ATP5MC2: variants seen among roughly 807,000 people sequenced by gnomAD.
ATP5MC2 encodes ATP synthase membrane subunit c locus 2, also known as ATP synthase F(0) complex subunit C2, mitochondrial.
Under a neutral mutation model 13.5 loss-of-function variants are expected in ATP5MC2, and 11 were observed. The ratio of observed to expected loss-of-function variants is 0.81; its 90% CI spans 0.51 to 1.35. The LOEUF (loss-of-function observed/expected upper bound fraction) is 1.35, where lower values mean the gene tolerates loss of function less well. Among genes scored for constraint, ATP5MC2 ranks in the 40% most tolerant of loss-of-function variants. The probability of loss-of-function intolerance (pLI) is 0.00; values close to 1 mark genes in which losing one functional copy is unlikely to be tolerated. For missense variants in ATP5MC2, 132 were observed against 175.0 expected (o/e 0.75, Z 1.39); for synonymous variants, 64 against 69.7 (o/e 0.92, Z 0.41).
chr12:53,672,083 C>CAAAAAAA lies in ATP5MC2; in HGVS notation c.39+486_39+492dup, dbSNP rs916010110. ...GGGCAACAAGAGCGAAACTCTGTCT[C>CAAAAAAA]AAAAAAAAAAAAAAAAAAAAAATTA... On this transcript the variant is annotated intron_variant, in intron 2 of 4. Coordinates refer to ENST00000394349, the MANE Select transcript of ATP5MC2 (RefSeq NM_005176.7). Among the ~76,000 whole-genome samples the CAAAAAAA allele has an allele frequency of 4.9e-3, 232 of 47,130 alleles. 19 individuals carry two copies. The highest frequency in any genetic ancestry group is 0.011 in the African/African-American group (125 of 10,904). The allele number at this position is 47,130 out of a possible 152,430, so 30.9% of individuals were successfully genotyped here. A position where few individuals can be genotyped will look rare whatever the true frequency, so the allele number is the denominator to read the frequency against.
intron 2 of ATP5MC2, chr12:53,670,167 A>C (rs1945055598): frequency 5.1e-6 from 3 of 585,302 alleles, no homozygotes; most frequent in Non-Finnish European, 9.6e-6. Context: ...TGCTTTAAGG[A>C]AAGAAAGTCT....
chr12:53,674,938 A>G (rs1434359278), intron 1 of ATP5MC2, among the ~76,000 whole-genome samples: 3 of 152,196 alleles, frequency 2.0e-5, no homozygotes, highest in African/African-American at 7.2e-5. Flanking sequence ...ATACCTTATT[A>G]TCTTCTTTGT....
intron 4 of ATP5MC2, among the ~76,000 whole-genome samples, chr12:53,667,695 C>T (rs1032613700): frequency 2.6e-5 from 4 of 151,766 alleles, no homozygotes; most frequent in Non-Finnish European, 5.9e-5. Flanking sequence ...AGGGGTTTCA[C>T]CATGTTGGCC....
chr12:53,676,517 A>T, upstream of ATP5MC2: 1 of 252,760 alleles, frequency 4.0e-6, no homozygotes, highest in Non-Finnish European at 7.7e-6. Context: ...TCGCGCCGGG[A>T]CTCTGGCATC....
intron 4 of ATP5MC2, among the ~76,000 whole-genome samples, chr12:53,666,975 G>T (rs1052672090): frequency 6.7e-6 from 1 of 150,150 alleles, no homozygotes; most frequent in Non-Finnish European, 1.5e-5. Flanking sequence ...GTTACAAATG[G>T]TCTATGGGGT....
rs1593051848 is a variant in ATP5MC2, at chr12:53,671,508, T to A, written c.39+1068A>T. ...AATACTTTTCCAATGTGTATTTATG[T>A]AAATTTTAGCTTCCTATCCAAATTT... is the stretch of plus-strand genomic sequence containing the variant. On this transcript the variant is annotated intron_variant, in intron 2 of 4. Transcript: ENST00000394349. Among the ~76,000 whole-genome samples the A allele has an allele frequency of 3.3e-5, 5 of 152,374 alleles. 1 individual carries two copies. The highest frequency in any genetic ancestry group is 3.3e-4 in the Admixed American group (5 of 15,308).
upstream of ATP5MC2, among the ~76,000 whole-genome samples, chr12:53,678,188 AC>A (rs1189773194): frequency 1.3e-5 from 2 of 152,268 alleles, no homozygotes; most frequent in East Asian, 1.9e-4. Context: ...TAGCTGTTTA[AC>A]CCCCTCTAAA....
intron 4 of ATP5MC2, among the ~76,000 whole-genome samples, chr12:53,667,362 C>G (rs1849439724): frequency 1.3e-5 from 2 of 152,110 alleles, no homozygotes; most frequent in Non-Finnish European, 2.9e-5. Flanking sequence ...AGTAAAGCCA[C>G]TATGTTCACT....
chr12:53,673,876 C>A, intron 1 of ATP5MC2: 1 of 165,872 alleles, frequency 6.0e-6, no homozygotes, highest in Middle Eastern at 5.3e-4. Flanking sequence ...GAAGATCTGA[C>A]ACCCTATAGG....
chr12:53,675,275 A>T (rs551396725), intron 1 of ATP5MC2, among the ~76,000 whole-genome samples: 7 of 152,208 alleles, frequency 4.6e-5, no homozygotes, highest in Non-Finnish European at 1.0e-4. Flanking sequence ...CCTTCACAGG[A>T]AAGCTGGCAG....
At chr12:53,666,856 G>T (rs1360676110) in intron 4 of ATP5MC2, among the ~76,000 whole-genome samples, 1 of 149,846 alleles carries the variant, frequency 6.7e-6, no homozygotes, top group South Asian at 2.1e-4. Flanking sequence ...TGAGGCAGGA[G>T]AATCATTTGA....
At chr12:53,678,134 G>A (rs1178863382), upstream of ATP5MC2, among the ~76,000 whole-genome samples, 7 of 152,192 alleles carry the variant, frequency 4.6e-5, no homozygotes, top group African/African-American at 1.4e-4. Context: ...TGGGTTCTGC[G>A]TTCAGACAAA....
rs149217850 is a variant in ATP5MC2, at chr12:53,668,860, A to C, written c.311+288T>G. ...ATGGCGAAACCCCATCTCTACTAAAACCACAAAAATTAGGTGGGCGTCATT... is the reference window on the plus strand; with the variant it reads ...ATGGCGAAACCCCATCTCTACTAAACCCACAAAAATTAGGTGGGCGTCATT... On this transcript the variant is annotated intron_variant, in intron 4 of 4. Coordinates refer to ENST00000394349, the MANE Select transcript of ATP5MC2 (RefSeq NM_005176.7). Among the ~76,000 whole-genome samples the C allele has an allele frequency of 2.4e-3, 362 of 152,074 alleles. 4 individuals are homozygous for C. In the East Asian group the frequency reaches 0.027, roughly 11 times the overall value.
chr12:53,667,432 T>A (rs955924979), intron 4 of ATP5MC2, among the ~76,000 whole-genome samples: 2 of 152,212 alleles, frequency 1.3e-5, no homozygotes, highest in Non-Finnish European at 2.9e-5. Context: ...TAAATAATTT[T>A]AGGTTTTGTG....
At chr12:53,671,767 C>G (rs1409404096) in intron 2 of ATP5MC2, among the ~76,000 whole-genome samples, 1 of 152,150 alleles carries the variant, frequency 6.6e-6, no homozygotes, top group African/African-American at 2.4e-5. Flanking sequence ...CACGGTGGCT[C>G]ATGCCTATAA....
upstream of ATP5MC2, among the ~76,000 whole-genome samples, chr12:53,678,073 A>T (rs1355572516): frequency 6.6e-6 from 1 of 152,172 alleles, no homozygotes; most frequent in Non-Finnish European, 1.5e-5. Context: ...GCTCTTTCCA[A>T]AAGTTGTTAC....
chr12:53,666,190 T>C (rs1944909304), intron 4 of ATP5MC2, among the ~76,000 whole-genome samples: 1 of 152,064 alleles, frequency 6.6e-6, no homozygotes, highest in African/African-American at 2.4e-5. Flanking sequence ...ACGCCTGTAA[T>C]CCCAGCACTT....
intron 4 of ATP5MC2, among the ~76,000 whole-genome samples, 183 bp downstream of exon 4, chr12:53,668,965 C>T (rs1945012061): frequency 6.6e-6 from 1 of 152,138 alleles, no homozygotes; most frequent in South Asian, 2.1e-4. Context: ...TGACAGTGAG[C>T]TGAGATTGCG....
rs79533383 is a variant in ATP5MC2, at chr12:53,670,085, G to A, written c.40-137C>T. On this transcript the variant is annotated intron_variant, in intron 2 of 4. Coordinates refer to ENST00000394349, the MANE Select transcript of ATP5MC2 (RefSeq NM_005176.7). Reference sequence around the variant, plus strand: ...TTTCCATCTTCACATGTACGTTAGAGTTTTGGATCATTCTTCCTTTTAGCA... The same window carrying A: ...TTTCCATCTTCACATGTACGTTAGAATTTTGGATCATTCTTCCTTTTAGCA... 3,501 of 758,902 alleles carry A rather than the reference G, an allele frequency of 4.6e-3. 61 individuals carry two copies. Among genetic ancestry groups the A allele is most frequent in the African/African-American group, 0.033 (1,914 of 58,308 alleles). 47.0% of individuals were successfully genotyped at this position (758,902 alleles called of 1,614,324 possible).
Sources: allele counts gnomAD v4.1 joint callset (sites outside exome capture counted in the v4.1 genomes callset), GRCh38; gene constraint gnomAD v4.1.1; transcripts MANE v1.5; gene names NCBI Gene and HGNC (gene_info 2026-07-23, HGNC 2026-07-21).